Variants in ITPKB observed in about 807,000 individuals in gnomAD.
The protein encoded by ITPKB is IP3 3-kinase B.
Under a neutral mutation model 69.4 loss-of-function variants are expected in ITPKB, and 13 were observed. The observed-to-expected ratio is 0.19, with a 90% confidence interval of 0.12 to 0.30. The LOEUF (loss-of-function observed/expected upper bound fraction) is 0.30, where lower values mean the gene tolerates loss of function less well. Ranked by LOEUF, ITPKB falls within the 10% of genes least tolerant of loss-of-function variation. ITPKB has a pLI of 1.00. For synonymous variants in ITPKB, 584 were observed against 513.7 expected (o/e 1.14, Z -1.85); for missense variants, 1,240 against 1,250.5 (o/e 0.99, Z 0.13).
At chr1:226,715,026 C>T (rs568935504) in intron 2 of ITPKB, among the ~76,000 whole-genome samples, 13 of 152,342 alleles carry the variant, frequency 8.5e-5, no homozygotes, top group South Asian at 6.2e-4. Flanking sequence ...TAAATGCCAA[C>T]GATGAGAAAC....
chr1:226,663,920 C>A (rs1233479675), intron 2 of ITPKB, among the ~76,000 whole-genome samples: 1 of 152,208 alleles, frequency 6.6e-6, no homozygotes, highest in Non-Finnish European at 1.5e-5. Flanking sequence ...AGGTGAGGAT[C>A]TCCTATGAGA....
chr1:226,718,941 A>G (rs1329110913), intron 2 of ITPKB, among the ~76,000 whole-genome samples: 2 of 152,220 alleles, frequency 1.3e-5, no homozygotes, highest in Non-Finnish European at 2.9e-5. Context: ...CTTTATTCAA[A>G]ATAGCCAGAC....
Position 226,738,484 on chromosome 1 carries a change from G to C in ITPKB, c.-206+557C>G, listed in dbSNP as rs1351906464. On this transcript the variant is annotated intron_variant, in intron 1 of 7. Coordinates refer to ENST00000429204, the MANE Select transcript of ITPKB (RefSeq NM_002221.4). The surrounding 1 kb of genome is among the most constrained non-coding windows in gnomAD (Gnocchi z 4.2). ...TCTGTGAGTGTGTGTGTATACACGC[G>C]TGTGTGTATACGCCGCACGCGCGCG... 6.6e-6 allele frequency among the ~76,000 whole-genome samples: 1 copy of C among 152,018 alleles called. No homozygotes were observed. The highest frequency in any genetic ancestry group is 1.5e-5 in the Non-Finnish European group (1 of 68,042).
intron 2 of ITPKB, among the ~76,000 whole-genome samples, chr1:226,733,447 G>C (rs1362778936): frequency 6.6e-6 from 1 of 152,158 alleles, no homozygotes; most frequent in Non-Finnish European, 1.5e-5. Context: ...GGGTGTCACA[G>C]ATAAGGCTCC....
At chr1:226,724,461 C>A (rs772993445) in intron 2 of ITPKB, among the ~76,000 whole-genome samples, 4 of 152,252 alleles carry the variant, frequency 2.6e-5, no homozygotes, top group Non-Finnish European at 5.9e-5. Context: ...AATGACACCA[C>A]AGCTGCCTCT....
rs763882613 is a variant in ITPKB at position 226,737,330 on chromosome 1, G to A, written c.129C>T (p.Ser43=). 1 of 1,598,054 alleles carries A rather than the reference G, an allele frequency of 6.3e-7. No homozygotes were observed. Among genetic ancestry groups the A allele is most frequent in the Non-Finnish European group, 8.5e-7 (1 of 1,176,924 alleles). The change falls in exon 2 of 8, where the codon AGC becomes AGT. Residue 43 remains serine (S), a synonymous_variant. Transcript: ENST00000429204. ...TPPPPRRAVL[S]PGSVFSPGRG... is the part of the protein sequence containing the mutation. ...TCCCGGGGCTGAAAACGCTGCCGGG[G>A]CTCAGCACTGCCCTCCTCGGGGGCG...
chr1:226,722,030 ATCGAAC>A (rs1422468489), intron 2 of ITPKB, among the ~76,000 whole-genome samples: 4 of 145,500 alleles, frequency 2.7e-5, no homozygotes, highest in African/African-American at 1.0e-4. Context: ...CCAGGCTGGA[ATCGAAC>A]TCCTGACCTC....
At chr1:226,717,638 T>C (rs1289808225) in intron 2 of ITPKB, among the ~76,000 whole-genome samples, 1 of 152,132 alleles carries the variant, frequency 6.6e-6, no homozygotes, top group African/African-American at 2.4e-5. Flanking sequence ...CCTTAAATAA[T>C]ACAGCACCTG....
At position 226,708,471 on chromosome 1, in the gene ITPKB, C is replaced by T. The variant is rs535055466; in HGVS notation, c.1932+27056G>A. ...CAGAGGCTGACTTAGGCACGAGTAA[C>T]TCGAGACATTCTGGTCAATGAGACA... On this transcript the variant is annotated intron_variant, in intron 2 of 7. Coordinates refer to ENST00000429204, the MANE Select transcript of ITPKB (RefSeq NM_002221.4). Among the ~76,000 whole-genome samples the T allele has an allele frequency of 2.0e-5, 3 of 152,302 alleles. No individual in the cohort carries two copies. The South Asian group carries it at 6.2e-4, about 32-fold the overall frequency.
At chr1:226,661,459 G>A (rs889773599) in intron 2 of ITPKB, among the ~76,000 whole-genome samples, 1 of 152,174 alleles carries the variant, frequency 6.6e-6, no homozygotes, top group African/African-American at 2.4e-5. Context: ...GTGTAGTCAG[G>A]CAGGCTGGCT....
At chr1:226,675,742 T>C (rs1177903530) in intron 2 of ITPKB, among the ~76,000 whole-genome samples, 1 of 152,214 alleles carries the variant, frequency 6.6e-6, no homozygotes, top group Non-Finnish European at 1.5e-5. Flanking sequence ...TATGGAATCC[T>C]TCATAGGATG....
At chr1:226,726,613 C>T (rs1171110326) in intron 2 of ITPKB, among the ~76,000 whole-genome samples, 1 of 152,086 alleles carries the variant, frequency 6.6e-6, no homozygotes, top group Admixed American at 6.5e-5. Context: ...GAGATCGAGG[C>T]TGCAGTGAGC....
rs775131112 is a variant in ITPKB at position 226,642,515 on chromosome 1, G to A, written c.2247-390C>T. Among the ~76,000 whole-genome samples, 33 of 151,888 alleles carry A rather than the reference G, an allele frequency of 2.2e-4. No individual in the cohort carries two copies. Among genetic ancestry groups the A allele is most frequent in the Non-Finnish European group, 4.6e-4 (31 of 67,966 alleles). ...AGAAAAGGTGCAGCCTCACTGAATC[G>A]GACTGCCTTCACTTTCACTCCAAGC... On this transcript the variant is annotated intron_variant, in intron 4 of 7. Transcript: ENST00000429204. The surrounding 1 kb of genome is among the most constrained non-coding windows in gnomAD (Gnocchi z 6.4).
Position 226,736,503 on chromosome 1 carries a change from T to G in ITPKB, c.956A>C (p.Gln319Pro). Reference sequence around the variant, plus strand: ...AGACGGCTCAGTGAGGGCAAGATCCTGTGGACGGTGTGGCCCAGTGGATGT... The same window carrying G: ...AGACGGCTCAGTGAGGGCAAGATCCGGTGGACGGTGTGGCCCAGTGGATGT... ...RVTSTGPHRP[Q>P]DLALTEPSGR... The change falls in exon 2 of 8, where the codon CAG becomes CCG. Residue 319 changes from glutamine to proline, a missense_variant. Transcript: ENST00000429204. 6.2e-7 allele frequency: 1 copy of G among 1,614,006 alleles called. No homozygotes were observed. Among genetic ancestry groups the G allele is most frequent in the Non-Finnish European group, 8.5e-7 (1 of 1,180,036 alleles).
chr1:226,721,955 A>G (rs1038158376), intron 2 of ITPKB, among the ~76,000 whole-genome samples: 1 of 151,476 alleles, frequency 6.6e-6, no homozygotes, highest in Non-Finnish European at 1.5e-5. Context: ...CTGGGATTAC[A>G]GGCGCGCACC....
chr1:226,638,505 T>C (rs923861484), intron 6 of ITPKB, among the ~76,000 whole-genome samples: 2 of 152,196 alleles, frequency 1.3e-5, no homozygotes, highest in African/African-American at 4.8e-5. Context: ...CCAGGGCCCG[T>C]GTCCCAGATG....
chr1:226,712,300 G>A (rs140283332), intron 2 of ITPKB, among the ~76,000 whole-genome samples: 20 of 152,246 alleles, frequency 1.3e-4, no homozygotes, highest in African/African-American at 3.6e-4. Context: ...GCAGGCCCTC[G>A]TGAGGTCCAT....
intron 5 of ITPKB, among the ~76,000 whole-genome samples, chr1:226,639,980 G>T (rs1668923619): frequency 6.6e-6 from 1 of 152,166 alleles, no homozygotes; most frequent in Non-Finnish European, 1.5e-5. Context: ...GCCTGTCCTG[G>T]GTGCAACAGC....
In ITPKB at chr1:226,736,159, C is replaced by G. The variant is rs767184522; in HGVS notation, c.1300G>C (p.Gly434Arg). The change falls in exon 2 of 8, where the codon GGG becomes CGG. Residue 434 changes from glycine (G) to arginine (R), a missense_variant. This residue lies in a region of ITPKB where 992 missense variants were observed against 853.8 expected (regional missense o/e 1.16). Transcript: ENST00000429204. ...CTGTCGGAGAGCTGCCAACGCCCCC[C>G]GCCCACGGGGGCCCCACTTCGGGCC... is the stretch of plus-strand genomic sequence containing the variant. ...EEARSGAPVG[G>R]GRWQLSDRVE... 1.3e-6 allele frequency: 2 copies of G among 1,556,726 alleles called. No homozygotes were observed. The highest frequency in any genetic ancestry group is 1.2e-5 in the South Asian group (1 of 81,650).
Sources: gnomAD v4.1 joint callset for allele counts (sites outside exome capture counted in the v4.1 genomes callset) on GRCh38, gnomAD v4.1.1 for gene constraint, gnomAD v4.1.1 regional missense constraint, Gnocchi (gnomAD v3.1) non-coding constraint, MANE v1.5 for transcripts, NCBI Gene and HGNC (gene_info 2026-07-23, HGNC 2026-07-21) for gene names.